The following PLEKHA5 variants were observed in gnomAD, a reference collection of about 807,000 sequenced individuals.
The protein encoded by PLEKHA5 is pleckstrin homology domain-containing family A member 5.
Under a neutral mutation model 181.9 loss-of-function variants are expected in PLEKHA5, and 55 were observed. The observed-to-expected ratio is 0.30, with a 90% CI of 0.24 to 0.38. PLEKHA5 has a LOEUF of 0.38. PLEKHA5 is among the 10% of genes least tolerant of loss of function. The probability of loss-of-function intolerance (pLI) is 1.00; values close to 1 mark genes in which losing one functional copy is unlikely to be tolerated. For missense variants in PLEKHA5, 1,432 were observed against 1,549.5 expected, an observed-to-expected ratio of 0.92 and a Z score of 1.27; for synonymous variants, 535 against 529.4, an observed-to-expected ratio of 1.01 and a Z score of -0.15.
intron 15 of PLEKHA5, among the ~76,000 whole-genome samples, chr12:19,296,279 G>A (rs1565580492): frequency 6.6e-6 from 1 of 151,748 alleles, no homozygotes; most frequent in African/African-American, 2.4e-5. Context: ...AGGCACTGTG[G>A]CTCACGCCTG....
chr12:19,340,428 G>A (rs1308502308), intron 21 of PLEKHA5, among the ~76,000 whole-genome samples: 15 of 125,294 alleles, frequency 1.2e-4, no homozygotes, highest in South Asian at 5.5e-4. Context: ...GCCTCTGCCC[G>A]GCCACCACCC....
intron 3 of PLEKHA5, among the ~76,000 whole-genome samples, chr12:19,156,822 G>C (rs1477319052): frequency 6.6e-6 from 1 of 150,956 alleles, no homozygotes; most frequent in Non-Finnish European, 1.5e-5. Context: ...GGGCAGGTGG[G>C]TCACTTGAGA....
At chr12:19,191,996 T>C (rs991248333) in intron 3 of PLEKHA5, among the ~76,000 whole-genome samples, 2 of 152,284 alleles carry the variant, frequency 1.3e-5, no homozygotes, top group African/African-American at 4.8e-5. Flanking sequence ...AGGAGGGGAC[T>C]ATACAAAGGT....
intron 20 of PLEKHA5, among the ~76,000 whole-genome samples, chr12:19,327,084 A>T (rs1396695595): frequency 2.6e-5 from 4 of 152,120 alleles, no homozygotes; most frequent in Admixed American, 1.3e-4. Context: ...ATACTTTTGG[A>T]TATATACCCA....
chr12:19,368,947 C>G (rs2095505628), intron 30 of PLEKHA5, among the ~76,000 whole-genome samples: 1 of 40,636 alleles, frequency 2.5e-5, no homozygotes, highest in South Asian at 2.2e-3. Flanking sequence ...TATTTAGCTG[C>G]ATAGAACTAA....
chr12:19,179,734 A>G (rs2048123956), intron 3 of PLEKHA5, among the ~76,000 whole-genome samples: 1 of 152,176 alleles, frequency 6.6e-6, no homozygotes, highest in Non-Finnish European at 1.5e-5. Context: ...TCCCTGGTAT[A>G]TGGGGGAGAG....
intron 3 of PLEKHA5, among the ~76,000 whole-genome samples, chr12:19,250,033 C>G (rs936925663): frequency 6.6e-6 from 1 of 152,186 alleles, no homozygotes; most frequent in Non-Finnish European, 1.5e-5. Flanking sequence ...ACCCTGGCCT[C>G]TACCCACTAG....
intron 31 of PLEKHA5, among the ~76,000 whole-genome samples, chr12:19,370,147 G>A (rs905936540): frequency 5.3e-5 from 8 of 152,206 alleles, no homozygotes; most frequent in African/African-American, 1.9e-4. Flanking sequence ...GTCATTACAC[G>A]TTGACTATGT....
chr12:19,247,608 A>G (rs979454101), intron 3 of PLEKHA5, among the ~76,000 whole-genome samples: 1 of 152,154 alleles, frequency 6.6e-6, no homozygotes, highest in Admixed American at 6.6e-5. Flanking sequence ...TAATAGTTTC[A>G]TAGAAGCTTT....
At chr12:19,233,850 A>T (rs1411256887) in intron 3 of PLEKHA5, among the ~76,000 whole-genome samples, 1 of 152,218 alleles carries the variant, frequency 6.6e-6, no homozygotes, top group Non-Finnish European at 1.5e-5. Context: ...TAACGTGAAA[A>T]GAGAATCAGG....
intron 26 of PLEKHA5, among the ~76,000 whole-genome samples, chr12:19,355,049 T>C (rs2094850029): frequency 6.6e-6 from 1 of 152,194 alleles, no homozygotes; most frequent in Non-Finnish European, 1.5e-5. Context: ...TATTAATAGC[T>C]TTAGAGTTTG....
chr12:19,355,721 A>G (rs1306218597), intron 26 of PLEKHA5, among the ~76,000 whole-genome samples: 1 of 152,178 alleles, frequency 6.6e-6, no homozygotes, highest in Non-Finnish European at 1.5e-5. Flanking sequence ...AAGATAATAT[A>G]TCAGCATTAA....
intron 20 of PLEKHA5, among the ~76,000 whole-genome samples, chr12:19,331,783 G>A (rs2092864759): frequency 6.6e-6 from 1 of 152,116 alleles, no homozygotes; most frequent in African/African-American, 2.4e-5. Flanking sequence ...AGCACTTTGG[G>A]AGGCTGAGGC....
intron 15 of PLEKHA5, chr12:19,306,740 C>A (rs541296893): frequency 3.0e-5 from 34 of 1,149,612 alleles, no homozygotes; most frequent in Non-Finnish European, 9.2e-6. Context: ...CTCTTCCCGC[C>A]GGATAATTCA....
intron 3 of PLEKHA5, among the ~76,000 whole-genome samples, chr12:19,224,333 G>T (rs2059396190): frequency 6.6e-6 from 1 of 152,124 alleles, no homozygotes; most frequent in Non-Finnish European, 1.5e-5. Flanking sequence ...TGAGATCCAG[G>T]AATGATGAAG....
chr12:19,224,491 CA>C (rs2059414428), intron 3 of PLEKHA5, among the ~76,000 whole-genome samples: 1 of 152,148 alleles, frequency 6.6e-6, no homozygotes, highest in African/African-American at 2.4e-5. Context: ...TTCTGCATTT[CA>C]TAGTAAAACA....
At chr12:19,198,811 T>C (rs529485727) in intron 3 of PLEKHA5, among the ~76,000 whole-genome samples, 38 of 152,234 alleles carry the variant, frequency 2.5e-4, no homozygotes, top group Non-Finnish European at 3.4e-4. Context: ...TATTTATTTT[T>C]CTGTCTTTTA....
chr12:19,161,692 T>C (rs972996547), intron 3 of PLEKHA5, among the ~76,000 whole-genome samples: 3 of 152,236 alleles, frequency 2.0e-5, no homozygotes, highest in African/African-American at 7.2e-5. Flanking sequence ...AATAGGACTT[T>C]AACTTTCTAA....
chr12:19,135,970 C>T (rs1409912507), intron 3 of PLEKHA5, among the ~76,000 whole-genome samples: 3 of 150,524 alleles, frequency 2.0e-5, no homozygotes, highest in African/African-American at 7.3e-5. Context: ...GCCTTGACCT[C>T]CTGGGCTTAA....
Sources: allele counts gnomAD v4.1 joint callset (sites outside exome capture counted in the v4.1 genomes callset), GRCh38; gene constraint gnomAD v4.1.1; transcripts MANE v1.5; gene names NCBI Gene and HGNC (gene_info 2026-07-23, HGNC 2026-07-21).